The following DIAPH3 variants were observed in gnomAD, a reference collection of about 807,000 sequenced individuals.
DIAPH3 encodes the protein protein diaphanous homolog 3.
In DIAPH3, 117 loss-of-function variants were observed where a neutral mutation model predicts 144.3. That is an observed-to-expected ratio of 0.81 (90% CI 0.70 to 0.95). DIAPH3 has a LOEUF of 0.95. Ranked by LOEUF, DIAPH3 falls within the 40% of genes least tolerant of loss-of-function variation. The pLI, the probability that DIAPH3 is intolerant of heterozygous loss-of-function variation, is 0.00. For synonymous variants in DIAPH3, 519 were observed against 488.9 expected (o/e 1.06, Z -0.81); for missense variants, 1,421 against 1,412.7 (o/e 1.01, Z -0.09).
At chr13:59,695,724 T>C (rs1257423089) in intron 27 of DIAPH3, among the ~76,000 whole-genome samples, 1 of 152,216 alleles carries the variant, frequency 6.6e-6, no homozygotes, top group Non-Finnish European at 1.5e-5. Context: ...CTAAAACATG[T>C]ACTTAAGAAG....
At chr13:60,119,583 T>C (rs1168598376) in intron 2 of DIAPH3, among the ~76,000 whole-genome samples, 1 of 150,460 alleles carries the variant, frequency 6.6e-6, no homozygotes, top group Non-Finnish European at 1.5e-5. Flanking sequence ...CCGTCTCTAC[T>C]AAAAATACAA....
At chr13:59,967,642 C>G (rs915386504) in intron 17 of DIAPH3, among the ~76,000 whole-genome samples, 3 of 152,118 alleles carry the variant, frequency 2.0e-5, no homozygotes, top group East Asian at 3.9e-4. Context: ...CTATAAAATA[C>G]TCTGAAGTGT....
Position 60,163,597 on chromosome 13 carries a change from C to G in DIAPH3, c.170G>C (p.Arg57Pro), listed in dbSNP as rs1952402947. ...PSGPEEPGEK[R>P]PKFHLNIRTL... is the part of the protein sequence containing the mutation. ...CCAGGCGATACTCACAAACTTGGGG[C>G]GCTTCTCCCCAGGCTCCTCGGGGCC... The change falls in exon 1 of 28, where the codon CGC becomes CCC. Residue 57 changes from arginine to proline, a missense_variant. Arg to Pro is a moderately radical substitution (Grantham distance 103). Transcript: ENST00000400324. The G allele has an allele frequency of 1.3e-6, 2 of 1,589,952 alleles. No homozygotes were observed. Among genetic ancestry groups the G allele is most frequent in the South Asian group, 1.1e-5 (1 of 89,024 alleles).
At chr13:59,896,872 G>C (rs1011360636) in intron 20 of DIAPH3, among the ~76,000 whole-genome samples, 1 of 152,150 alleles carries the variant, frequency 6.6e-6, no homozygotes, top group African/African-American at 2.4e-5. Flanking sequence ...CCAGCACTGT[G>C]TCTCAATATG....
At chr13:60,135,976 T>A (rs886746566) in intron 1 of DIAPH3, among the ~76,000 whole-genome samples, 2 of 152,220 alleles carry the variant, frequency 1.3e-5, no homozygotes, top group Non-Finnish European at 2.9e-5. Context: ...TGAATGTTAA[T>A]ACTAAATTCA....
intron 27 of DIAPH3, among the ~76,000 whole-genome samples, chr13:59,735,599 G>A (rs1264281872): frequency 6.6e-6 from 1 of 152,024 alleles, no homozygotes; most frequent in Non-Finnish European, 1.5e-5. Flanking sequence ...CATATATCAG[G>A]TGTCTATTTT....
intron 27 of DIAPH3, among the ~76,000 whole-genome samples, chr13:59,724,402 T>C (rs746399602): frequency 6.6e-6 from 1 of 152,134 alleles, no homozygotes; most frequent in African/African-American, 2.4e-5. Flanking sequence ...GAGCTCAGTA[T>C]GGGTAATCCA....
chr13:59,677,752 T>C (rs1343419868), intron 27 of DIAPH3, among the ~76,000 whole-genome samples: 5 of 152,196 alleles, frequency 3.3e-5, no homozygotes, highest in Non-Finnish European at 7.4e-5. Flanking sequence ...AAATGAATTG[T>C]TCCAATATTT....
chr13:60,106,902 G>C (rs749469835), intron 3 of DIAPH3, among the ~76,000 whole-genome samples: 3 of 152,102 alleles, frequency 2.0e-5, no homozygotes, highest in Non-Finnish European at 4.4e-5. Context: ...AAATTAACCA[G>C]CCTGCAATCT....
At chr13:59,992,976 G>A (rs1275458502) in intron 9 of DIAPH3, among the ~76,000 whole-genome samples, 2 of 151,504 alleles carry the variant, frequency 1.3e-5, no homozygotes, top group Non-Finnish European at 2.9e-5. Flanking sequence ...CCTAAAATAG[G>A]ATAATAAAAT....
intron 5 of DIAPH3, among the ~76,000 whole-genome samples, chr13:60,020,403 T>G (rs1176619952): frequency 6.6e-6 from 1 of 152,222 alleles, no homozygotes; most frequent in Non-Finnish European, 1.5e-5. Context: ...GGTCTTACTC[T>G]GTCGCCCAGG....
chr13:59,987,987 T>A (rs922669538), intron 12 of DIAPH3, among the ~76,000 whole-genome samples: 1 of 151,790 alleles, frequency 6.6e-6, no homozygotes, highest in South Asian at 2.1e-4. Flanking sequence ...ACTTTTCCTC[T>A]CTAAATTCTA....
At chr13:59,967,968 A>G (rs753748322) in intron 17 of DIAPH3, among the ~76,000 whole-genome samples, 7 of 152,230 alleles carry the variant, frequency 4.6e-5, no homozygotes, top group Non-Finnish European at 8.8e-5. Flanking sequence ...GTCCTCTGCC[A>G]GCCTCTAAGT....
intron 4 of DIAPH3, among the ~76,000 whole-genome samples, chr13:60,077,303 C>A (rs930227138): frequency 3.3e-5 from 5 of 152,120 alleles, no homozygotes; most frequent in South Asian, 2.1e-4. Flanking sequence ...TCTCATCTAA[C>A]TTCTCTAAAA....
At chr13:59,895,430 G>GAAA (rs529308484) in intron 20 of DIAPH3, among the ~76,000 whole-genome samples, 3 of 75,910 alleles carry the variant, frequency 4.0e-5, no homozygotes, top group African/African-American at 1.0e-4. Context: ...AATGTTAAAG[G>GAAA]AAAAAAAAAA....
chr13:59,881,346 G>A (rs1249576505), intron 20 of DIAPH3, among the ~76,000 whole-genome samples: 3 of 152,092 alleles, frequency 2.0e-5, no homozygotes, highest in South Asian at 2.1e-4. Context: ...TTCTGAAGGT[G>A]TATAATGGGC....
intron 17 of DIAPH3, among the ~76,000 whole-genome samples, chr13:59,925,320 T>C (rs184115821): frequency 6.6e-6 from 1 of 152,296 alleles, no homozygotes; most frequent in Non-Finnish European, 1.5e-5. Flanking sequence ...CATTCTTATT[T>C]AAAAACATAC....
Position 60,114,189 on chromosome 13 carries a change from AT to A in DIAPH3, c.214-2004del, listed in dbSNP as rs111992300. Among the ~76,000 whole-genome samples the A allele has an allele frequency of 2.8e-4, 42 of 148,132 alleles. 1 individual carries two copies. The highest frequency in any genetic ancestry group is 1.2e-3 in the East Asian group (6 of 5,096). ...ACTCTACATTAACCCTAAAATGGGC[AT>A]TTTTTTTTTCCTGAAACGATATAAT... is the stretch of plus-strand genomic sequence containing the variant. On this transcript the variant is annotated intron_variant, in intron 2 of 27. Transcript: ENST00000400324.
At chr13:60,052,479 T>C (rs1036922084) in intron 4 of DIAPH3, among the ~76,000 whole-genome samples, 2 of 152,088 alleles carry the variant, frequency 1.3e-5, no homozygotes, top group Non-Finnish European at 2.9e-5. Context: ...GAGGTGGTAG[T>C]AGCATAAGGA....
Sources: gnomAD v4.1 joint callset for allele counts (sites outside exome capture counted in the v4.1 genomes callset) on GRCh38, gnomAD v4.1.1 for gene constraint, MANE v1.5 for transcripts, NCBI Gene and HGNC (gene_info 2026-07-23, HGNC 2026-07-21) for gene names.